The following TBC1D22A variants were observed in gnomAD, a reference collection of about 807,000 sequenced individuals.
TBC1D22A encodes putative GTPase activator.
A neutral mutation model predicts 60.2 loss-of-function variants in TBC1D22A; 38 were observed. The observed-to-expected ratio is 0.63, with a 90% confidence interval of 0.49 to 0.83. The LOEUF (loss-of-function observed/expected upper bound fraction) is 0.83. Among genes scored for constraint, TBC1D22A ranks in the 40% least tolerant of loss-of-function variants. The pLI, the probability that TBC1D22A is intolerant of heterozygous loss-of-function variation, is 0.00. For missense variants in TBC1D22A, 628 were observed against 701.0 expected (o/e 0.90, Z 1.18); for synonymous variants, 302 against 281.7 (o/e 1.07, Z -0.72).
intron 8 of TBC1D22A, among the ~76,000 whole-genome samples, chr22:46,944,320 C>T (rs750359121): frequency 7.2e-5 from 11 of 152,156 alleles, no homozygotes; most frequent in Admixed American, 2.0e-4. Context: ...TTTTCTTCAT[C>T]GGCAATTACA....
intron 5 of TBC1D22A, among the ~76,000 whole-genome samples, chr22:46,890,109 G>C (rs898107331): frequency 6.6e-6 from 1 of 152,232 alleles, no homozygotes; most frequent in Admixed American, 6.5e-5. Flanking sequence ...ACTTTGGGAG[G>C]CTGAGGCGGG....
intron 11 of TBC1D22A, among the ~76,000 whole-genome samples, chr22:47,080,378 A>G (rs2064414625): frequency 6.6e-6 from 1 of 152,256 alleles, no homozygotes; most frequent in Non-Finnish European, 1.5e-5. Context: ...GGGCCGTAAG[A>G]CAAGGATCAA....
At chr22:47,127,261 T>C (rs1430128419) in intron 12 of TBC1D22A, among the ~76,000 whole-genome samples, 5 of 146,374 alleles carry the variant, frequency 3.4e-5, no homozygotes, top group African/African-American at 1.0e-4. Context: ...AGAGTCTTGC[T>C]CTGTCACCCA....
In TBC1D22A at chr22:46,974,408, C is replaced by T. The variant is rs374466500; in HGVS notation, c.1125+9C>T. ...TGCTGGATGGCATTCAGGTGAGCGC[C>T]CGCGCCCACGGGACACAGCCCACGC... On this transcript the variant is annotated intron_variant, in intron 9 of 12. Transcript: ENST00000337137. The T allele has an allele frequency of 1.5e-5, 24 of 1,601,990 alleles. No individual in the cohort carries two copies. Among genetic ancestry groups the T allele is most frequent in the African/African-American group, 4.0e-5 (3 of 74,728 alleles).
Position 47,028,007 on chromosome 22 carries a change from A to G in TBC1D22A, c.1202-9064A>G, listed in dbSNP as rs190064679. On this transcript the variant is annotated intron_variant, in intron 10 of 12. Transcript: ENST00000337137. The surrounding 1 kb of genome is among the most constrained non-coding windows in gnomAD (Gnocchi z 4.4). The stretch of plus-strand genomic sequence containing the variant: ...AGCGGCTCCGTCATCTGCATTTTTA[A>G]AGGAAGTAAATCAGATTTGTTGTTG... Among the ~76,000 whole-genome samples, 1 of 152,260 alleles carries G rather than the reference A, an allele frequency of 6.6e-6. No homozygotes were observed. The highest frequency in any genetic ancestry group is 2.4e-5 in the African/African-American group (1 of 41,566).
intron 10 of TBC1D22A, among the ~76,000 whole-genome samples, chr22:47,024,667 A>T (rs1569351077): frequency 6.6e-6 from 1 of 152,164 alleles, no homozygotes; most frequent in Non-Finnish European, 1.5e-5. Context: ...CAGCCTGGGC[A>T]ACATGGTGAG....
chr22:46,847,948 TGTGTGTGCGCGC>T (rs2087090920), intron 4 of TBC1D22A, among the ~76,000 whole-genome samples: 1 of 119,772 alleles, frequency 8.3e-6, no homozygotes, highest in African/African-American at 4.0e-5. Context: ...TGTGTGTGTG[TGTGTGTGCGCGC>T]GCGCACGCGC....
At chr22:46,779,672 C>T (rs1414461350) in intron 1 of TBC1D22A, among the ~76,000 whole-genome samples, 2 of 152,196 alleles carry the variant, frequency 1.3e-5, no homozygotes, top group Non-Finnish European at 2.9e-5. Flanking sequence ...GTTTCCAAGA[C>T]CTATTTCCAG....
At chr22:47,039,259 A>G (rs940287581) in intron 11 of TBC1D22A, among the ~76,000 whole-genome samples, 1 of 152,212 alleles carries the variant, frequency 6.6e-6, no homozygotes, top group African/African-American at 2.4e-5. Context: ...CTCATTCTTG[A>G]ACTGATAGTA....
rs983772241 is a variant in TBC1D22A at position 46,990,300 on chromosome 22, A to G, written c.1126-7334A>G. On this transcript the variant is annotated intron_variant, in intron 9 of 12. Coordinates refer to ENST00000337137, the MANE Select transcript of TBC1D22A (RefSeq NM_014346.5). The surrounding 1 kb of genome is among the most constrained non-coding windows in gnomAD (Gnocchi z 4.6). ...TTTTCTTATTTGTTCTTTTTTCCCT[A>G]CCTTCTTTGGATGAATTGATTATTT... is the stretch of plus-strand genomic sequence containing the variant. 6.6e-6 allele frequency among the ~76,000 whole-genome samples: 1 copy of G among 151,136 alleles called. No individual in the cohort carries two copies. Among genetic ancestry groups the G allele is most frequent in the South Asian group, 2.1e-4 (1 of 4,768 alleles).
intron 8 of TBC1D22A, among the ~76,000 whole-genome samples, chr22:46,931,718 T>C (rs1259394006): frequency 6.6e-6 from 1 of 152,190 alleles, no homozygotes; most frequent in Non-Finnish European, 1.5e-5. Context: ...GTTTCAGAAA[T>C]TTCATGGACT....
intron 9 of TBC1D22A, 75 bp from the exon 10 acceptor site, chr22:46,997,559 C>G: frequency 8.3e-7 from 1 of 1,205,946 alleles, no homozygotes; most frequent in African/African-American, 1.5e-5. Flanking sequence ...CACTTTATCC[C>G]AGCTGCCTTT....
At chr22:47,098,318 A>G (rs1463075286) in intron 11 of TBC1D22A, among the ~76,000 whole-genome samples, 2 of 151,952 alleles carry the variant, frequency 1.3e-5, no homozygotes, top group South Asian at 2.1e-4. Context: ...TTAAGAGGAG[A>G]TTCTTCTCAT....
intron 1 of TBC1D22A, among the ~76,000 whole-genome samples, chr22:46,776,254 G>C (rs1398703541): frequency 6.6e-6 from 1 of 152,250 alleles, no homozygotes; most frequent in East Asian, 1.9e-4. Context: ...AACACAGCCT[G>C]AGTGAGGAGG....
At chr22:47,000,599 GGCAAGCCC>G (rs2075278825) in intron 10 of TBC1D22A, among the ~76,000 whole-genome samples, 1 of 152,180 alleles carries the variant, frequency 6.6e-6, no homozygotes, top group Non-Finnish European at 1.5e-5. Context: ...TAAAGCGACA[GGCAAGCCC>G]GCAGATGGGG....
At chr22:47,036,655 C>T (rs1436651972) in intron 10 of TBC1D22A, among the ~76,000 whole-genome samples, 2 of 152,194 alleles carry the variant, frequency 1.3e-5, no homozygotes, top group Non-Finnish European at 2.9e-5. Context: ...TGGGCCCCTC[C>T]TGAGGAGCTG....
intron 8 of TBC1D22A, among the ~76,000 whole-genome samples, chr22:46,933,625 TG>T (rs1555955591): frequency 2.0e-4 from 30 of 150,638 alleles, no homozygotes; most frequent in East Asian, 3.9e-4. Flanking sequence ...GAGAGACCAC[TG>T]GGGGGGGGTT....
chr22:47,080,024 C>T (rs1429102718), intron 11 of TBC1D22A, among the ~76,000 whole-genome samples: 6 of 152,206 alleles, frequency 3.9e-5, no homozygotes, highest in Non-Finnish European at 5.9e-5. Context: ...CATACTACCA[C>T]AGCTAAAGAA....
intron 4 of TBC1D22A, among the ~76,000 whole-genome samples, chr22:46,817,143 G>T (rs894573446): frequency 2.0e-5 from 3 of 151,816 alleles, no homozygotes; most frequent in South Asian, 2.1e-4. Context: ...CCTTTTGGTT[G>T]TACTGGAATA....
Sources: allele counts gnomAD v4.1 joint callset (sites outside exome capture counted in the v4.1 genomes callset), GRCh38; gene constraint gnomAD v4.1.1; non-coding constraint Gnocchi (gnomAD v3.1); transcripts MANE v1.5; gene names NCBI Gene and HGNC (gene_info 2026-07-23, HGNC 2026-07-21).